Variants in PRDM16 observed in about 807,000 individuals in gnomAD.
PRDM16 encodes the protein histone-lysine N-methyltransferase PRDM16.
In PRDM16, 23 loss-of-function variants were observed where a neutral mutation model predicts 110.6. The ratio of observed to expected loss-of-function variants is 0.21; its 90% CI spans 0.15 to 0.29. The LOEUF is 0.29. PRDM16 is among the 10% of genes least tolerant of loss of function. The pLI is 1.00. For synonymous variants in PRDM16, 799 were observed against 781.8 expected, an observed-to-expected ratio of 1.02 and a Z score of -0.37; for missense variants, 1,615 against 1,794.3, an observed-to-expected ratio of 0.90 and a Z score of 1.81.
chr1:3,282,261 C>T lies in PRDM16; in HGVS notation c.438+38124C>T, dbSNP rs912121832. Among the ~76,000 whole-genome samples, 8 of 152,194 alleles carry T rather than the reference C, an allele frequency of 5.3e-5. No individual in the cohort carries two copies. In the East Asian group the frequency reaches 5.8e-4, roughly 11 times the overall value. On this transcript the variant is annotated intron_variant, in intron 3 of 16. Transcript: ENST00000270722. ...TTTCCCCAGAGAGGTCAGCAGGTGCCGGGCACCAGCCCTTCCCCAGACACA... is the reference window on the plus strand; with the variant it reads ...TTTCCCCAGAGAGGTCAGCAGGTGCTGGGCACCAGCCCTTCCCCAGACACA...
chr1:3,082,158 G>A lies in PRDM16; in HGVS notation c.37+12862G>A, dbSNP rs182883418. 3.7e-3 allele frequency among the ~76,000 whole-genome samples: 557 copies of A among 152,252 alleles called. 3 individuals carry two copies. Among genetic ancestry groups the A allele is most frequent in the African/African-American group, 0.013 (523 of 41,556 alleles). ...ACCACGGGAACTTGATGGGCAGGAG[G>A]CTGGCCCGGGGGCCCTGGTGTGACC... On this transcript the variant is annotated intron_variant, in intron 1 of 16. Coordinates refer to ENST00000270722, the MANE Select transcript of PRDM16 (RefSeq NM_022114.4).
At chr1:3,260,150 A>G (rs1640128554) in intron 3 of PRDM16, among the ~76,000 whole-genome samples, 1 of 152,186 alleles carries the variant, frequency 6.6e-6, no homozygotes, top group Non-Finnish European at 1.5e-5. Context: ...AGTTGTGTGA[A>G]CCCAAGCAAC....
In PRDM16 at chr1:3,243,497, T is replaced by G. The variant is rs1031577646; in HGVS notation, c.388-590T>G. On this transcript the variant is annotated intron_variant, in intron 2 of 16. Coordinates refer to ENST00000270722, the MANE Select transcript of PRDM16 (RefSeq NM_022114.4). The surrounding 1 kb of genome is among the most constrained non-coding windows in gnomAD (Gnocchi z 5.5). The stretch of plus-strand genomic sequence containing the variant: ...GCCCCTGCCTCTGGCCGCCCGCCGC[T>G]GTCTCCTGGGACCGCTGGGCAGAGT... Among the ~76,000 whole-genome samples, 1 of 152,136 alleles carries G rather than the reference T, an allele frequency of 6.6e-6. No individual in the cohort carries two copies. Among genetic ancestry groups the G allele is most frequent in the Non-Finnish European group, 1.5e-5 (1 of 68,014 alleles).
At chr1:3,311,781 C>A (rs537679568) in intron 3 of PRDM16, among the ~76,000 whole-genome samples, 4 of 152,142 alleles carry the variant, frequency 2.6e-5, no homozygotes, top group Admixed American at 6.5e-5. Flanking sequence ...AGCTTGGGTT[C>A]GACATCTTTC....
intron 1 of PRDM16, among the ~76,000 whole-genome samples, chr1:3,089,271 C>T (rs899416995): frequency 5.3e-5 from 8 of 152,220 alleles, no homozygotes; most frequent in African/African-American, 9.6e-5. Flanking sequence ...ACCCAGCTCC[C>T]GCACAATAGG....
chr1:3,228,486 G>A lies in PRDM16; in HGVS notation c.388-15601G>A, dbSNP rs74048332. Reference sequence around the variant, plus strand: ...CAGAGTAACGCTGTTGGTCTCCTGCGGCCCAAAGGGAGCTCTGGGCCAGCC... The same window carrying A: ...CAGAGTAACGCTGTTGGTCTCCTGCAGCCCAAAGGGAGCTCTGGGCCAGCC... On this transcript the variant is annotated intron_variant, in intron 2 of 16. Transcript: ENST00000270722. 5.6e-3 allele frequency among the ~76,000 whole-genome samples: 860 copies of A among 152,302 alleles called. 9 individuals are homozygous for A. Among genetic ancestry groups the A allele is most frequent in the African/African-American group, 0.019 (806 of 41,552 alleles).
chr1:3,337,805 T>C (rs1572037), intron 3 of PRDM16, among the ~76,000 whole-genome samples: 50,359 of 152,140 alleles, frequency 0.33, 8,776 homozygotes, highest in East Asian at 0.56. Flanking sequence ...CCTGGTGACC[T>C]GGAGCATGAC....
At chr1:3,289,402 C>T (rs973895445) in intron 3 of PRDM16, among the ~76,000 whole-genome samples, 4 of 152,240 alleles carry the variant, frequency 2.6e-5, no homozygotes, top group African/African-American at 4.8e-5. Flanking sequence ...GGGTGTCTGT[C>T]GACAAATTCA....
At chr1:3,241,122 C>T (rs1488542732) in intron 2 of PRDM16, among the ~76,000 whole-genome samples, 1 of 152,228 alleles carries the variant, frequency 6.6e-6, no homozygotes, top group Non-Finnish European at 1.5e-5. Flanking sequence ...AGGTCAGCAG[C>T]GGGTGAAGGG....
At chr1:3,412,926 C>G in intron 9 of PRDM16, 126 bp downstream of exon 9, 1 of 763,954 alleles carries the variant, frequency 1.3e-6, no homozygotes, top group South Asian at 2.6e-5. Flanking sequence ...TTGCTGACTT[C>G]AGGAAGATGC....
intron 4 of PRDM16, among the ~76,000 whole-genome samples, chr1:3,393,947 G>T (rs1334855275): frequency 6.6e-6 from 1 of 152,126 alleles, no homozygotes; most frequent in Admixed American, 6.5e-5. Context: ...CCCTCCTCCT[G>T]CAGGTCCAGG....
chr1:3,142,697 CG>C (rs1246718025), intron 1 of PRDM16, among the ~76,000 whole-genome samples: 6 of 152,172 alleles, frequency 3.9e-5, no homozygotes, highest in Non-Finnish European at 8.8e-5. Flanking sequence ...CGTGCTCCCC[CG>C]AGAGCGGGTA....
At chr1:3,233,536 G>T (rs576170274) in intron 2 of PRDM16, among the ~76,000 whole-genome samples, 16 of 152,208 alleles carry the variant, frequency 1.1e-4, no homozygotes, top group Non-Finnish European at 2.2e-4. Context: ...GCCTTTGGAA[G>T]ATGGAAAACC....
intron 5 of PRDM16, among the ~76,000 whole-genome samples, chr1:3,397,733 A>C (rs904149988): frequency 1.3e-5 from 2 of 152,050 alleles, no homozygotes; most frequent in Non-Finnish European, 2.9e-5. Context: ...CTTCAAACAC[A>C]CCAAGGCTTA....
At chr1:3,217,557 T>C (rs1041155744) in intron 2 of PRDM16, among the ~76,000 whole-genome samples, 1 of 152,316 alleles carries the variant, frequency 6.6e-6, no homozygotes, top group African/African-American at 2.4e-5. Flanking sequence ...CTGGCCTCTG[T>C]CGAGCTTGGC....
At chr1:3,346,266 C>T (rs1642361434) in intron 3 of PRDM16, among the ~76,000 whole-genome samples, 1 of 152,222 alleles carries the variant, frequency 6.6e-6, no homozygotes, top group African/African-American at 2.4e-5. Context: ...GTACCCTTCC[C>T]CAGGACGTCT....
At chr1:3,396,134 C>T (rs1190642464) in intron 4 of PRDM16, among the ~76,000 whole-genome samples, 3 of 152,138 alleles carry the variant, frequency 2.0e-5, no homozygotes, top group Non-Finnish European at 4.4e-5. Context: ...CACTTACATA[C>T]ACAAAATGGA....
Position 3,243,045 on chromosome 1 carries a change from AC to A in PRDM16, c.388-1039del, listed in dbSNP as rs1317207479. 2.6e-5 allele frequency among the ~76,000 whole-genome samples: 4 copies of A among 152,166 alleles called. No homozygotes were observed. The highest frequency in any genetic ancestry group is 9.6e-5 in the African/African-American group (4 of 41,456). On this transcript the variant is annotated intron_variant, in intron 2 of 16. Coordinates refer to ENST00000270722, the MANE Select transcript of PRDM16 (RefSeq NM_022114.4). The surrounding 1 kb of genome is among the most constrained non-coding windows in gnomAD (Gnocchi z 5.5). ...AGCCTGGTGGCTTTTAAGAGGAGAC[AC>A]CCGGCGAAATGCTCTCCAGAGCCAA...
rs182730902 is a variant in PRDM16 at position 3,221,481 on chromosome 1, G to A, written c.388-22606G>A. Among the ~76,000 whole-genome samples, 73 of 152,330 alleles carry A rather than the reference G, an allele frequency of 4.8e-4. 1 individual carries two copies. In the South Asian group the frequency reaches 7.7e-3, roughly 16 times the overall value. The stretch of plus-strand genomic sequence containing the variant: ...GCCTCACTGGGGAGACTCTTTGTCC[G>A]GCCTGCACCGACTCTCTAAGCACTG... On this transcript the variant is annotated intron_variant, in intron 2 of 16. Transcript: ENST00000270722.
Sources: gnomAD v4.1 joint callset for allele counts (sites outside exome capture counted in the v4.1 genomes callset) on GRCh38, gnomAD v4.1.1 for gene constraint, Gnocchi (gnomAD v3.1) non-coding constraint, MANE v1.5 for transcripts, NCBI Gene and HGNC (gene_info 2026-07-23, HGNC 2026-07-21) for gene names.